The following ERBB4 variants were observed in gnomAD, a reference collection of about 807,000 sequenced individuals.
ERBB4 encodes the protein receptor tyrosine-protein kinase erbB-4.
ERBB4 carries 42 observed loss-of-function variants against 158.0 expected under a neutral mutation model. The observed-to-expected ratio is 0.27, with a 90% CI of 0.21 to 0.34. The LOEUF (loss-of-function observed/expected upper bound fraction) is 0.34. Ranked by LOEUF, ERBB4 falls within the 10% of genes least tolerant of loss-of-function variation. The pLI, the probability that ERBB4 is intolerant of heterozygous loss-of-function variation, is 1.00. For synonymous variants in ERBB4, 583 were observed against 558.7 expected (o/e 1.04, Z -0.61); for missense variants, 1,333 against 1,624.1 (o/e 0.82, Z 3.08).
chr2:212,439,875 T>C (rs886425538), intron 1 of ERBB4, among the ~76,000 whole-genome samples: 3 of 152,178 alleles, frequency 2.0e-5, no homozygotes, highest in African/African-American at 4.8e-5. Context: ...TTATTTTACA[T>C]TTGAAGGACA....
At chr2:211,712,197 G>T (rs775545338) in intron 8 of ERBB4, 21 bp from the exon 9 acceptor site, 1 of 1,612,826 alleles carries the variant, frequency 6.2e-7, no homozygotes, top group South Asian at 1.1e-5. Flanking sequence ...AAGACTCAGA[G>T]TTAGGGGATT....
intron 25 of ERBB4, among the ~76,000 whole-genome samples, chr2:211,413,419 A>G (rs937733738): frequency 1.1e-4 from 17 of 152,090 alleles, no homozygotes; most frequent in Admixed American, 3.3e-4. Flanking sequence ...CTTAAGAAGA[A>G]GAGCCCCTTC....
At chr2:211,531,490 T>A (rs1293881015) in intron 20 of ERBB4, among the ~76,000 whole-genome samples, 1 of 152,072 alleles carries the variant, frequency 6.6e-6, no homozygotes, top group Non-Finnish European at 1.5e-5. Context: ...GTTCAAAAAA[T>A]GGGCAATAGA....
At chr2:212,053,188 C>T (rs1234799058) in intron 2 of ERBB4, among the ~76,000 whole-genome samples, 3 of 152,106 alleles carry the variant, frequency 2.0e-5, no homozygotes, top group Admixed American at 6.5e-5. Flanking sequence ...CTCAATCAAT[C>T]GATCAAAATA....
chr2:212,320,742 G>GTTGTT lies in ERBB4; in HGVS notation c.83-195844_83-195840dup, dbSNP rs1228240763. Among the ~76,000 whole-genome samples, 3 of 149,832 alleles carry GTTGTT rather than the reference G, an allele frequency of 2.0e-5. No individual in the cohort carries two copies. The East Asian group carries it at 5.9e-4, about 29-fold the overall frequency. ...TCTCTCTGGCCCTAGGGCCAGGTTT[G>GTTGTT]TTGTTTTGTTTTGTTTTAGTAACAG... On this transcript the variant is annotated intron_variant, in intron 1 of 27. Coordinates refer to ENST00000342788, the MANE Select transcript of ERBB4 (RefSeq NM_005235.3).
In ERBB4 at chr2:212,323,234, G is replaced by A. The variant is rs529910943; in HGVS notation, c.83-198331C>T. ...AATTATTATGAGATTCATGTACCAC[G>A]TTTTTACTCATTTAATAATTTTTAA... is the stretch of plus-strand genomic sequence containing the variant. On this transcript the variant is annotated intron_variant, in intron 1 of 27. Coordinates refer to ENST00000342788, the MANE Select transcript of ERBB4 (RefSeq NM_005235.3). Among the ~76,000 whole-genome samples the A allele has an allele frequency of 4.0e-5, 6 of 150,356 alleles. 1 individual carries two copies. In the South Asian group the frequency reaches 6.4e-4, roughly 16 times the overall value.
At chr2:211,601,677 T>A (rs1307934394) in intron 19 of ERBB4, among the ~76,000 whole-genome samples, 1 of 152,096 alleles carries the variant, frequency 6.6e-6, no homozygotes, top group Non-Finnish European at 1.5e-5. Flanking sequence ...GAGGGAAAAG[T>A]ACTATCAACT....
intron 20 of ERBB4, among the ~76,000 whole-genome samples, chr2:211,537,194 C>T (rs149081829): frequency 2.6e-5 from 4 of 152,002 alleles, no homozygotes; most frequent in Non-Finnish European, 5.9e-5. Flanking sequence ...AAAAACTTCA[C>T]CATTTTCTCA....
chr2:211,750,215 T>C (rs1417572713), intron 5 of ERBB4, among the ~76,000 whole-genome samples: 2 of 152,140 alleles, frequency 1.3e-5, no homozygotes, highest in Non-Finnish European at 2.9e-5. Flanking sequence ...CCTGGAAAAA[T>C]ACAGTGGGTA....
At chr2:211,689,671 A>C (rs555234835) in intron 12 of ERBB4, among the ~76,000 whole-genome samples, 1 of 152,342 alleles carries the variant, frequency 6.6e-6, no homozygotes, top group Admixed American at 6.5e-5. Flanking sequence ...AAAGTAGCAA[A>C]GATCAATTAT....
intron 1 of ERBB4, among the ~76,000 whole-genome samples, chr2:212,139,513 T>A (rs1472802561): frequency 6.6e-6 from 1 of 152,012 alleles, no homozygotes; most frequent in Non-Finnish European, 1.5e-5. Context: ...TTCTATAGCA[T>A]CAGGTTCAAT....
chr2:212,324,597 T>C (rs2087738095), intron 1 of ERBB4, among the ~76,000 whole-genome samples: 1 of 150,094 alleles, frequency 6.7e-6, no homozygotes, highest in African/African-American at 2.4e-5. Context: ...TGTGATTGAT[T>C]TTGAAAGACA....
At chr2:212,400,070 C>T (rs982134637) in intron 1 of ERBB4, among the ~76,000 whole-genome samples, 2 of 151,964 alleles carry the variant, frequency 1.3e-5, no homozygotes, top group African/African-American at 2.4e-5. Flanking sequence ...CTGGAAAAAG[C>T]GAAGCTAGAA....
At position 212,345,502 on chromosome 2, in the gene ERBB4, G is replaced by C. The variant is rs570683258; in HGVS notation, c.82+192947C>G. Among the ~76,000 whole-genome samples the C allele has an allele frequency of 5.3e-5, 8 of 152,032 alleles. No individual in the cohort carries two copies. The South Asian group carries it at 1.7e-3, about 32-fold the overall frequency. On this transcript the variant is annotated intron_variant, in intron 1 of 27. Transcript: ENST00000342788. The stretch of plus-strand genomic sequence containing the variant: ...GCTCTCTGATACGGTGGCTTAATTT[G>C]GGCAAAGCTTTAAAAAATGGAGAAA...
intron 19 of ERBB4, among the ~76,000 whole-genome samples, chr2:211,579,744 A>G (rs1304713861): frequency 2.0e-5 from 3 of 150,366 alleles, no homozygotes; most frequent in Non-Finnish European, 4.4e-5. Context: ...TGGGATCTGA[A>G]TGATGAGAAC....
At chr2:211,708,221 G>A (rs1488498155) in intron 9 of ERBB4, among the ~76,000 whole-genome samples, 1 of 151,976 alleles carries the variant, frequency 6.6e-6, no homozygotes, top group African/African-American at 2.4e-5. Flanking sequence ...GAAACAGAAA[G>A]GCTTCAGAAT....
At chr2:211,643,607 A>G (rs1464698549) in intron 16 of ERBB4, among the ~76,000 whole-genome samples, 3 of 152,106 alleles carry the variant, frequency 2.0e-5, no homozygotes, top group Non-Finnish European at 4.4e-5. Flanking sequence ...ATTTTTAAAA[A>G]CATAAATGAA....
intron 14 of ERBB4, 100 bp downstream of exon 14, chr2:211,673,064 G>A (rs2071903475): frequency 2.1e-6 from 2 of 935,898 alleles, no homozygotes; most frequent in African/African-American, 1.6e-5. Context: ...ATGGCATCCT[G>A]TAAGTAGCTA....
chr2:211,588,759 T>C (rs2888004), intron 19 of ERBB4, among the ~76,000 whole-genome samples: 113,801 of 151,902 alleles, frequency 0.75, 44,554 homozygotes, highest in East Asian at 0.89. Flanking sequence ...CACTTAACCA[T>C]TGAGAAAATC....
Sources: allele counts gnomAD v4.1 joint callset (sites outside exome capture counted in the v4.1 genomes callset), GRCh38; gene constraint gnomAD v4.1.1; transcripts MANE v1.5; gene names NCBI Gene and HGNC (gene_info 2026-07-23, HGNC 2026-07-21).